PANK4: variants seen among roughly 807,000 people sequenced by gnomAD.
The protein encoded by PANK4 is 4'-phosphopantetheine phosphatase.
PANK4 carries 40 observed loss-of-function variants against 87.9 expected under a neutral mutation model. That is an observed-to-expected ratio of 0.46 (90% confidence interval 0.35 to 0.59). The LOEUF (loss-of-function observed/expected upper bound fraction) is 0.59. Among genes scored for constraint, PANK4 ranks in the 20% least tolerant of loss-of-function variants. The pLI, the probability that PANK4 is intolerant of heterozygous loss-of-function variation, is 0.00. For synonymous variants in PANK4, 524 were observed against 467.4 expected, an observed-to-expected ratio of 1.12 and a Z score of -1.56; for missense variants, 926 against 1,072.3, an observed-to-expected ratio of 0.86 and a Z score of 1.90.
intron 1 of PANK4, 110 bp downstream of exon 1, chr1:2,526,354 C>G (rs903896794): frequency 1.7e-6 from 1 of 598,222 alleles, no homozygotes; most frequent in Non-Finnish European, 2.1e-6. Flanking sequence ...AGGCTGTGCG[C>G]GAGGCCCGCG....
At chr1:2,522,073 T>C in intron 1 of PANK4, 2 of 516,426 alleles carry the variant, frequency 3.9e-6, no homozygotes, top group Non-Finnish European at 7.0e-6. Context: ...CACCAAGTCC[T>C]GCAGAGGAAA....
chr1:2,511,515 C>G, intron 14 of PANK4, 113 bp downstream of exon 14: 1 of 1,076,402 alleles, frequency 9.3e-7, no homozygotes, highest in South Asian at 1.2e-5. Context: ...CTGACAGAGC[C>G]TTGAGCAGGG....
rs1359784963 is a variant in PANK4 at position 2,519,692 on chromosome 1, C to T, written c.853+109G>A. ...ACAGGGCTGACACCCAAGACCCCGA[C>T]TCTCCAGGGAGCAGTTGTGGGAAAG... is the stretch of plus-strand genomic sequence containing the variant. On this transcript the variant is annotated intron_variant, in intron 6 of 18. Transcript: ENST00000378466. This position sits in a 1 kb window ranked among gnomAD's most constrained non-coding sequence, Gnocchi z 8.3. 10 of 1,181,930 alleles carry T rather than the reference C, an allele frequency of 8.5e-6. No individual in the cohort carries two copies. The highest frequency in any genetic ancestry group is 1.5e-5 in the African/African-American group (1 of 64,820). The allele number at this position is 1,181,930 out of a possible 1,614,324, so 73.2% of individuals were successfully genotyped here. A position where few individuals can be genotyped will look rare whatever the true frequency, so the allele number is the denominator to read the frequency against.
rs571994414 is a variant in PANK4 at position 2,519,078 on chromosome 1, A to G, written c.1035+65T>C. ...GGGGGTGCTGCGGTGTCTAACCAGC[A>G]TGACTGATTGGGAAGATCCTGGGGG... On this transcript the variant is annotated intron_variant, in intron 7 of 18. Transcript: ENST00000378466. This position sits in a 1 kb window ranked among gnomAD's most constrained non-coding sequence, Gnocchi z 8.3. The G allele has an allele frequency of 1.5e-4, 216 of 1,478,730 alleles. No individual in the cohort carries two copies. The African/African-American group carries it at 2.7e-3, about 18-fold the overall frequency. The allele number at this position is 1,478,730 out of a possible 1,614,324, so 91.6% of individuals were successfully genotyped here. A position where few individuals can be genotyped will look rare whatever the true frequency, so the allele number is the denominator to read the frequency against.
At position 2,513,007 on chromosome 1, in the gene PANK4, C is replaced by T; in HGVS notation, c.1608G>A (p.Arg536=). The T allele has an allele frequency of 6.2e-7, 1 of 1,608,590 alleles. No individual in the cohort carries two copies. The highest frequency in any genetic ancestry group is 1.1e-5 in the South Asian group (1 of 90,944). ...VKQRENGVAL[R]CFPGVVRSLD... ...GGGAGCGCACGACCCCGGGGAAGCA[C>T]CTCAGCGCCACGCCATTCTCCCGCT... The change falls in exon 13 of 19, where the codon AGG becomes AGA. Residue 536 remains arginine, a synonymous_variant. Transcript: ENST00000378466.
chr1:2,510,436 C>A lies in PANK4; in HGVS notation c.1938+242G>T, dbSNP rs888973602. 6.7e-6 allele frequency: 4 copies of A among 596,766 alleles called. No individual in the cohort carries two copies. The African/African-American group carries it at 7.5e-5, about 11-fold the overall frequency. 37.0% of individuals were successfully genotyped at this position (596,766 alleles called of 1,614,324 possible). On this transcript the variant is annotated intron_variant, in intron 16 of 18. Coordinates refer to ENST00000378466, the MANE Select transcript of PANK4 (RefSeq NM_018216.4). The surrounding 1 kb of genome is among the most constrained non-coding windows in gnomAD (Gnocchi z 4.9). Reference sequence around the variant, plus strand: ...CCAAAGCCTCCTTGCTGTGAGCACCCTTCCAGGAGCCTGGCGTCAACCCTG... The same window carrying A: ...CCAAAGCCTCCTTGCTGTGAGCACCATTCCAGGAGCCTGGCGTCAACCCTG...
At chr1:2,511,520 G>A in intron 14 of PANK4, 108 bp downstream of exon 14, 1 of 1,071,906 alleles carries the variant, frequency 9.3e-7, no homozygotes, top group South Asian at 1.2e-5. Flanking sequence ...AGAGCCTTGA[G>A]CAGGGGAGGT....
intron 13 of PANK4, chr1:2,512,512 A>C: frequency 4.8e-6 from 1 of 210,432 alleles, no homozygotes; most frequent in Non-Finnish European, 9.6e-6. Flanking sequence ...AGTCTAGGGG[A>C]CTGCTTTGCA....
intron 9 of PANK4, among the ~76,000 whole-genome samples, chr1:2,517,250 T>G (rs1166255317): frequency 6.6e-6 from 1 of 152,160 alleles, no homozygotes; most frequent in African/African-American, 2.4e-5. Context: ...GCCAGTGTGG[T>G]GCGTCTGTGC....
rs1197481958 is a variant in PANK4 at position 2,520,500 on chromosome 1, G to C, written c.607-86C>G. ...CCCCCCGCCCCATGTGCTGCGCTGG[G>C]GTGAACCCCGCCCCCACCCCAACCG... On this transcript the variant is annotated intron_variant, in intron 4 of 18. Coordinates refer to ENST00000378466, the MANE Select transcript of PANK4 (RefSeq NM_018216.4). This position sits in a 1 kb window ranked among gnomAD's most constrained non-coding sequence, Gnocchi z 6.2. 8.2e-7 allele frequency: 1 copy of C among 1,219,140 alleles called. No homozygotes were observed. The highest frequency in any genetic ancestry group is 1.5e-5 in the African/African-American group (1 of 65,246). The allele number at this position is 1,219,140 out of a possible 1,614,324, so 75.5% of individuals were successfully genotyped here. A position where few individuals can be genotyped will look rare whatever the true frequency, so the allele number is the denominator to read the frequency against.
At position 2,512,760 on chromosome 1, in the gene PANK4, CCT is replaced by C; in HGVS notation, c.1727+126_1727+127del. The C allele has an allele frequency of 4.4e-6, 4 of 918,300 alleles. No homozygotes were observed. In the South Asian group the frequency reaches 4.4e-5, roughly 10 times the overall value. 56.9% of individuals were successfully genotyped at this position (918,300 alleles called of 1,614,324 possible). ...ATGTGCACTCCCTGGGCCCCAAAGC[CCT>C]GAGCCACCAAGCCACCAAGCGCCAC... On this transcript the variant is annotated intron_variant, in intron 13 of 18. Transcript: ENST00000378466.
chr1:2,508,844 G>A lies in PANK4; in HGVS notation c.*3C>T, dbSNP rs761637291. ...AGCAGAAGAGTCCGGCAGCTGCAGC[G>A]CCTCACTCGGCTGGGACCTCGTACT... is the stretch of plus-strand genomic sequence containing the variant. On this transcript the variant is annotated 3_prime_UTR_variant, in exon 19 of 19. Transcript: ENST00000378466. The surrounding 1 kb of genome is among the most constrained non-coding windows in gnomAD (Gnocchi z 5.1). 1.7e-5 allele frequency: 27 copies of A among 1,547,242 alleles called. No homozygotes were observed. The highest frequency in any genetic ancestry group is 2.3e-5 in the Non-Finnish European group (26 of 1,127,424).
chr1:2,508,874 G>A lies in PANK4; in HGVS notation c.2295C>T (p.Ile765=), dbSNP rs898698412. 2.5e-6 allele frequency: 4 copies of A among 1,603,902 alleles called. No individual in the cohort carries two copies. The highest frequency in any genetic ancestry group is 3.4e-6 in the Non-Finnish European group (4 of 1,174,540). Residue 765 remains isoleucine (I), a synonymous_variant, in exon 19 of 19, where the codon ATC becomes ATT. Coordinates refer to ENST00000378466, the MANE Select transcript of PANK4 (RefSeq NM_018216.4). This position sits in a 1 kb window ranked among gnomAD's most constrained non-coding sequence, Gnocchi z 5.1. ...ERLGGRLFSV[I]FKYEVPAE Reference sequence around the variant, plus strand: ...ACTCGGCTGGGACCTCGTACTTGAAGATGACGCTGAAGAGCCGGCCGCCCA... The same window carrying A: ...ACTCGGCTGGGACCTCGTACTTGAAAATGACGCTGAAGAGCCGGCCGCCCA...
At chr1:2,525,975 C>A (rs1258539564) in intron 1 of PANK4, 1 of 152,236 alleles carries the variant, frequency 6.6e-6, no homozygotes, top group African/African-American at 2.4e-5. Flanking sequence ...CGGGAACGCG[C>A]GGCCTTTTCG....
chr1:2,509,771 G>T lies in PANK4; in HGVS notation c.2108+91C>A. 8.8e-7 allele frequency: 1 copy of T among 1,142,006 alleles called. No individual in the cohort carries two copies. Among genetic ancestry groups the T allele is most frequent in the Non-Finnish European group, 1.3e-6 (1 of 766,530 alleles). The allele number at this position is 1,142,006 out of a possible 1,614,324, so 70.7% of individuals were successfully genotyped here. The stretch of plus-strand genomic sequence containing the variant: ...GAGAGGCCGCAGGGGCAGTCCTGAG[G>T]TCGGTGTCCCGCATGCACCTGGGTG... On this transcript the variant is annotated intron_variant, in intron 18 of 18. Transcript: ENST00000378466. This position sits in a 1 kb window ranked among gnomAD's most constrained non-coding sequence, Gnocchi z 4.9.
In PANK4 at chr1:2,510,323, C is replaced by G. The variant is rs1643639506; in HGVS notation, c.1939-166G>C. The G allele has an allele frequency of 1.6e-6, 1 of 632,530 alleles. No individual in the cohort carries two copies. The highest frequency in any genetic ancestry group is 2.4e-5 in the Admixed American group (1 of 41,438). The allele number at this position is 632,530 out of a possible 1,614,324, so 39.2% of individuals were successfully genotyped here. On this transcript the variant is annotated intron_variant, in intron 16 of 18. Coordinates refer to ENST00000378466, the MANE Select transcript of PANK4 (RefSeq NM_018216.4). The surrounding 1 kb of genome is among the most constrained non-coding windows in gnomAD (Gnocchi z 4.9). ...AGGGACCTCGCCTGACCTTGCCACT[C>G]TGTGGCCCCTGGGAGGGAGCTGAGC...
At chr1:2,513,330 C>T (rs1161817698) in intron 12 of PANK4, among the ~76,000 whole-genome samples, 1 of 152,226 alleles carries the variant, frequency 6.6e-6, no homozygotes, top group Non-Finnish European at 1.5e-5. Flanking sequence ...ACAGCCCTGG[C>T]CTCAAAACCC....
intron 9 of PANK4, among the ~76,000 whole-genome samples, chr1:2,517,712 C>T (rs1330540692): frequency 6.6e-6 from 1 of 152,238 alleles, no homozygotes; most frequent in Non-Finnish European, 1.5e-5. Context: ...GCCGGGACAC[C>T]CCGAGGAGAG....
chr1:2,518,301 T>C, intron 8 of PANK4, 37 bp from the exon 9 acceptor site: 1 of 1,434,320 alleles, frequency 7.0e-7, no homozygotes, highest in Non-Finnish European at 9.8e-7. Flanking sequence ...GTGTTAACCT[T>C]GCCCTTGATT....
Sources: allele counts gnomAD v4.1 joint callset (sites outside exome capture counted in the v4.1 genomes callset), GRCh38; gene constraint gnomAD v4.1.1; non-coding constraint Gnocchi (gnomAD v3.1); transcripts MANE v1.5; gene names NCBI Gene and HGNC (gene_info 2026-07-23, HGNC 2026-07-21).